Variants in KIF21B observed in about 807,000 individuals in gnomAD.
The protein encoded by KIF21B is kinesin family member 21B, also known as kinesin-like protein KIF21B.
In KIF21B, 85 loss-of-function variants were observed where a neutral mutation model predicts 192.9. That is an observed-to-expected ratio of 0.44 (90% CI 0.37 to 0.53). The LOEUF is 0.53. Among genes scored for constraint, KIF21B ranks in the 20% least tolerant of loss-of-function variants. The pLI is 0.00. For synonymous variants in KIF21B, 832 were observed against 884.6 expected (o/e 0.94, Z 1.05); for missense variants, 1,716 against 2,194.8 (o/e 0.78, Z 4.36).
chr1:200,979,888 T>C (rs995197489), intron 29 of KIF21B, among the ~76,000 whole-genome samples, 173 bp from the exon 30 acceptor site: 4 of 152,176 alleles, frequency 2.6e-5, no homozygotes, highest in African/African-American at 9.7e-5. Flanking sequence ...CTCACTGGCA[T>C]GTGTGTGCTA....
intron 21 of KIF21B, among the ~76,000 whole-genome samples, chr1:200,989,162 C>T (rs567563552): frequency 7.4e-4 from 113 of 152,254 alleles, no homozygotes; most frequent in Non-Finnish European, 7.4e-4. Flanking sequence ...GTTATGTCCC[C>T]CCAAAACTCA....
chr1:200,974,336 A>G, intron 34 of KIF21B: 1 of 1,001,804 alleles, frequency 1.0e-6, no homozygotes, highest in Non-Finnish European at 1.4e-6. Flanking sequence ...TGCTCCCCAC[A>G]CAGGGGGCCA....
chr1:200,976,337 C>T (rs1215671450), intron 32 of KIF21B, among the ~76,000 whole-genome samples: 1 of 152,190 alleles, frequency 6.6e-6, no homozygotes, highest in Non-Finnish European at 1.5e-5. Flanking sequence ...AGTGATCCTC[C>T]CACCTCAGCC....
Position 200,973,406 on chromosome 1 carries a change from G to T in KIF21B, c.*115C>A. ...GGAGAGGGAGGAGGGCAGGAGAGGG[G>T]GCCACGCCCTCTGTCCCCAGAGCAG... On this transcript the variant is annotated 3_prime_UTR_variant, in exon 35 of 35. Transcript: ENST00000461742. The T allele has an allele frequency of 7.8e-7, 1 of 1,288,728 alleles. No individual in the cohort carries two copies. Among genetic ancestry groups the T allele is most frequent in the Non-Finnish European group, 1.0e-6 (1 of 998,472 alleles). The allele number at this position is 1,288,728 out of a possible 1,614,324, so 79.8% of individuals were successfully genotyped here. A position where few individuals can be genotyped will look rare whatever the true frequency, so the allele number is the denominator to read the frequency against.
intron 1 of KIF21B, among the ~76,000 whole-genome samples, chr1:201,016,852 T>C (rs577356657): frequency 1.6e-4 from 25 of 152,282 alleles, no homozygotes; most frequent in South Asian, 8.3e-4. Flanking sequence ...CTTTGTATTA[T>C]GGAGCCAAAG....
intron 8 of KIF21B, 133 bp from the exon 9 acceptor site, chr1:201,002,483 C>T (rs1008826428): frequency 5.5e-6 from 4 of 727,148 alleles, no homozygotes; most frequent in Non-Finnish European, 9.2e-6. Flanking sequence ...GTCTCCCCTG[C>T]CCCAGGTTTC....
intron 28 of KIF21B, 38 bp from the exon 29 acceptor site, chr1:200,981,134 C>T: frequency 6.4e-7 from 1 of 1,564,192 alleles, no homozygotes; most frequent in Non-Finnish European, 8.6e-7. Flanking sequence ...TGCTCGTCAG[C>T]CAGGGAGACT....
chr1:200,989,905 C>T, intron 21 of KIF21B, 37 bp downstream of exon 21: 2 of 1,518,098 alleles, frequency 1.3e-6, no homozygotes, highest in South Asian at 2.3e-5. Context: ...GCATCTGTGC[C>T]CATAGAGCCC....
At chr1:201,009,224 C>T (rs764823681) in intron 2 of KIF21B, 42 bp downstream of exon 2, 7 of 1,571,102 alleles carry the variant, frequency 4.5e-6, no homozygotes, top group Non-Finnish European at 6.1e-6. Flanking sequence ...TGCAGGGAGA[C>T]CAAGGCTGGA....
intron 15 of KIF21B, among the ~76,000 whole-genome samples, chr1:200,992,597 G>A (rs969645561): frequency 2.6e-5 from 4 of 152,258 alleles, no homozygotes; most frequent in Non-Finnish European, 4.4e-5. Context: ...GCCAAAAGGA[G>A]TGGCCTCACA....
At chr1:200,977,962 G>A (rs904245876) in intron 30 of KIF21B, among the ~76,000 whole-genome samples, 2 of 152,034 alleles carry the variant, frequency 1.3e-5, no homozygotes, top group South Asian at 2.1e-4. Flanking sequence ...TCGAACTCCC[G>A]ACCTCAGGTG....
chr1:200,973,128 G>C lies in KIF21B; in HGVS notation c.*393C>G. On this transcript the variant is annotated 3_prime_UTR_variant, in exon 35 of 35. Coordinates refer to ENST00000461742, the MANE Select transcript of KIF21B (RefSeq NM_001252102.2). ...TGGGCTGGGAGAAGCGGGGAGGCCAGCTCCTCGGAAGGGTGGGATGGGGCC... is the reference window on the plus strand; with the variant it reads ...TGGGCTGGGAGAAGCGGGGAGGCCACCTCCTCGGAAGGGTGGGATGGGGCC... The C allele has an allele frequency of 5.3e-6, 1 of 187,474 alleles. No individual in the cohort carries two copies. Among genetic ancestry groups the C allele is most frequent in the Non-Finnish European group, 1.1e-5 (1 of 91,500 alleles). 11.6% of individuals were successfully genotyped at this position (187,474 alleles called of 1,614,324 possible).
At chr1:201,008,703 G>A in intron 3 of KIF21B, 66 bp downstream of exon 3, 1 of 1,430,124 alleles carries the variant, frequency 7.0e-7, no homozygotes, top group South Asian at 1.3e-5. Context: ...CTGGAGGAAG[G>A]CCCGGCTTCC....
In KIF21B at chr1:200,988,768, T is replaced by C. The variant is rs1293239166; in HGVS notation, c.3296A>G (p.Gln1099Arg). 3 of 1,612,274 alleles carry C rather than the reference T, an allele frequency of 1.9e-6. No homozygotes were observed. The highest frequency in any genetic ancestry group is 2.5e-6 in the Non-Finnish European group (3 of 1,178,986). ...CTTCCAACCGCCCCTACCCGTACCC[T>C]GCTGCACATTGTAGATGAGGGCCTG... ...ELQALIYNVQ[Q>R]ENGYASTDEE... The change falls in exon 22 of 35, where the codon CAG becomes CGG. Residue 1099 changes from glutamine (Q) to arginine (R), a missense_variant and splice_region_variant. Transcript: ENST00000461742.
At chr1:201,010,973 T>C (rs924629747) in intron 1 of KIF21B, among the ~76,000 whole-genome samples, 4 of 152,226 alleles carry the variant, frequency 2.6e-5, no homozygotes, top group African/African-American at 9.6e-5. Flanking sequence ...GATGGGAGTC[T>C]GGGCCTTCTT....
At chr1:200,991,511 C>T in intron 17 of KIF21B, 146 bp downstream of exon 17, 1 of 811,712 alleles carries the variant, frequency 1.2e-6, no homozygotes, top group East Asian at 2.7e-5. Context: ...CTTCCCCTCC[C>T]TGCCGGCTCT....
intron 26 of KIF21B, among the ~76,000 whole-genome samples, chr1:200,985,420 G>A (rs1003884864): frequency 6.6e-6 from 1 of 152,132 alleles, no homozygotes; most frequent in Non-Finnish European, 1.5e-5. Context: ...CCTGGGAGGT[G>A]GAGATTGCAG....
In KIF21B at chr1:200,990,174, G is replaced by A. The variant is rs2297911; in HGVS notation, c.2994C>T (p.Asp998=). The A allele has an allele frequency of 0.19, 311,819 of 1,613,782 alleles. 33,406 individuals are homozygous for A. Among genetic ancestry groups the A allele is most frequent in the African/African-American group, 0.43 (32,191 of 74,990 alleles). Residue 998 remains aspartate, a synonymous_variant, in exon 20 of 35, where the codon GAC becomes GAT. Transcript: ENST00000461742. The surrounding 1 kb of genome is among the most constrained non-coding windows in gnomAD (Gnocchi z 5.4). Reference sequence around the variant, plus strand: ...CCAGCTGCACGATGGTGGCCTGGCAGTCGGTGATGCCGTCATTGATGTAGT... The same window carrying A: ...CCAGCTGCACGATGGTGGCCTGGCAATCGGTGATGCCGTCATTGATGTAGT... ...NIDYINDGIT[D]CQATIVQLEE... is the part of the protein sequence containing the mutation.
At chr1:200,994,260 C>A (rs576576754) in intron 15 of KIF21B, among the ~76,000 whole-genome samples, 14 of 152,364 alleles carry the variant, frequency 9.2e-5, no homozygotes, top group Admixed American at 3.9e-4. Flanking sequence ...AGGTAGAAGG[C>A]ATTGTGGCCT....
Sources: allele counts gnomAD v4.1 joint callset (sites outside exome capture counted in the v4.1 genomes callset), GRCh38; gene constraint gnomAD v4.1.1; non-coding constraint Gnocchi (gnomAD v3.1); transcripts MANE v1.5; gene names NCBI Gene and HGNC (gene_info 2026-07-23, HGNC 2026-07-21).